Variants in B3GALT1 observed in about 807,000 individuals in gnomAD.
B3GALT1 encodes the protein UDP-Gal:betaGlcNAc beta 1,3-galactosyltransferase, polypeptide 1.
Under a neutral mutation model 23.2 loss-of-function variants are expected in B3GALT1, and 10 were observed. The ratio of observed to expected loss-of-function variants is 0.43; its 90% CI spans 0.27 to 0.73. B3GALT1 has a LOEUF of 0.73. B3GALT1 is among the 30% of genes least tolerant of loss of function. B3GALT1 has a pLI of 0.21. For missense variants in B3GALT1, 299 were observed against 405.4 expected, an observed-to-expected ratio of 0.74 and a Z score of 2.25; for synonymous variants, 156 against 141.5, an observed-to-expected ratio of 1.10 and a Z score of -0.73.
At chr2:167,359,240 TTGAG>T (rs1697462536) in intron 1 of B3GALT1, among the ~76,000 whole-genome samples, 2 of 152,240 alleles carry the variant, frequency 1.3e-5, no homozygotes, top group Non-Finnish European at 1.5e-5. Flanking sequence ...AGTGTCTTCT[TTGAG>T]TGCACACTAG....
intron 4 of B3GALT1, among the ~76,000 whole-genome samples, chr2:167,866,726 T>A (rs1048738519): frequency 6.6e-6 from 1 of 152,188 alleles, no homozygotes; most frequent in Non-Finnish European, 1.5e-5. Flanking sequence ...GGGGAGGCCC[T>A]TAACATCTTA....
At chr2:167,642,063 G>A (rs539809281) in intron 2 of B3GALT1, among the ~76,000 whole-genome samples, 3 of 152,138 alleles carry the variant, frequency 2.0e-5, no homozygotes, top group East Asian at 3.9e-4. Flanking sequence ...AAATCACTCA[G>A]TCCATCTCTG....
At chr2:167,850,823 TG>T (rs1379981627) in intron 4 of B3GALT1, among the ~76,000 whole-genome samples, 2 of 149,846 alleles carry the variant, frequency 1.3e-5, no homozygotes, top group African/African-American at 2.5e-5. Context: ...GGGGGAAGAG[TG>T]GGAGGGGGCC....
rs1389669910 is a variant in B3GALT1 at position 167,806,205 on chromosome 2, C to T, written c.-351-12467C>T. Among the ~76,000 whole-genome samples, 387 of 152,110 alleles carry T rather than the reference C, an allele frequency of 2.5e-3. 2 individuals carry two copies. The highest frequency in any genetic ancestry group is 3.9e-3 in the Non-Finnish European group (265 of 67,952). ...TATCCTGAGACTTTGCTGAAGTTGC[C>T]CATCAGCTTAAGGAGATTTTGGGCT... On this transcript the variant is annotated intron_variant, in intron 3 of 4. Transcript: ENST00000392690.
chr2:167,389,925 CAAA>C (rs751630307), intron 1 of B3GALT1, among the ~76,000 whole-genome samples: 4 of 105,434 alleles, frequency 3.8e-5, no homozygotes, highest in East Asian at 2.7e-4. Context: ...AAAAAAAAAA[CAAA>C]AAAAAAAAAG....
chr2:167,806,358 A>G (rs1435648210), intron 3 of B3GALT1, among the ~76,000 whole-genome samples: 1 of 152,150 alleles, frequency 6.6e-6, no homozygotes, highest in African/African-American at 2.4e-5. Context: ...AGAACTTCCA[A>G]CACTATGTTG....
intron 2 of B3GALT1, among the ~76,000 whole-genome samples, chr2:167,542,379 G>T (rs1683547443): frequency 6.6e-6 from 1 of 152,086 alleles, no homozygotes; most frequent in Non-Finnish European, 1.5e-5. Context: ...CCCAGATGGT[G>T]GTTTTGCTAC....
intron 1 of B3GALT1, among the ~76,000 whole-genome samples, chr2:167,297,557 C>T (rs999790241): frequency 6.6e-6 from 1 of 151,918 alleles, no homozygotes; most frequent in Admixed American, 6.6e-5. Flanking sequence ...GCAGTCAGTC[C>T]AATTACAGAT....
At chr2:167,787,694 G>A (rs1379055145) in intron 3 of B3GALT1, among the ~76,000 whole-genome samples, 1 of 152,178 alleles carries the variant, frequency 6.6e-6, no homozygotes, top group Non-Finnish European at 1.5e-5. Flanking sequence ...TTCCAGGACA[G>A]GGCATGCTGC....
At chr2:167,568,276 G>T (rs1574144160) in intron 2 of B3GALT1, among the ~76,000 whole-genome samples, 1 of 152,052 alleles carries the variant, frequency 6.6e-6, no homozygotes, top group Non-Finnish European at 1.5e-5. Flanking sequence ...TCCATTGTTT[G>T]TATGGTAAGT....
chr2:167,559,124 C>G (rs572183109), intron 2 of B3GALT1, among the ~76,000 whole-genome samples: 1 of 152,134 alleles, frequency 6.6e-6, no homozygotes, highest in East Asian at 1.9e-4. Flanking sequence ...TCCAGAGGAA[C>G]GATCAGACAG....
chr2:167,374,337 TC>T (rs757042849), intron 1 of B3GALT1, among the ~76,000 whole-genome samples: 8 of 152,212 alleles, frequency 5.3e-5, no homozygotes, highest in Non-Finnish European at 8.8e-5. Context: ...AGTGCATGGG[TC>T]TTTTTGGTAG....
intron 3 of B3GALT1, among the ~76,000 whole-genome samples, chr2:167,712,117 T>A (rs114853967): frequency 0.022 from 3,354 of 152,314 alleles, 106 homozygotes; most frequent in African/African-American, 0.072. Context: ...AAGCTTCTCT[T>A]TCTGAATGGT....
chr2:167,715,508 T>C, intron 3 of B3GALT1: 1 of 1,612,540 alleles, frequency 6.2e-7, no homozygotes, highest in South Asian at 1.1e-5. Context: ...TTCAGCTATT[T>C]GTGATTTGAG....
chr2:167,654,755 C>T (rs1009985537), intron 3 of B3GALT1, among the ~76,000 whole-genome samples: 19 of 151,836 alleles, frequency 1.3e-4, no homozygotes, highest in African/African-American at 3.4e-4. Context: ...CTCAGCCTCC[C>T]GAAATGCTGA....
chr2:167,808,154 G>A lies in B3GALT1; in HGVS notation c.-351-10518G>A, dbSNP rs1351776049. On this transcript the variant is annotated intron_variant, in intron 3 of 4. Coordinates refer to ENST00000392690, the MANE Select transcript of B3GALT1 (RefSeq NM_020981.4). ...GCCTTTTTTTGTTTTCCATTGGCTT[G>A]GTAGATCTTCCTCCATCCCTTTATT... 4.0e-5 allele frequency among the ~76,000 whole-genome samples: 6 copies of A among 150,934 alleles called. No homozygotes were observed. The South Asian group carries it at 1.3e-3, about 32-fold the overall frequency.
chr2:167,564,746 C>G (rs1007772659), intron 2 of B3GALT1, among the ~76,000 whole-genome samples: 2 of 152,210 alleles, frequency 1.3e-5, no homozygotes, highest in African/African-American at 2.4e-5. Flanking sequence ...TGAGTGAACT[C>G]CCATTCACAA....
intron 2 of B3GALT1, among the ~76,000 whole-genome samples, chr2:167,495,945 T>A (rs1699777772): frequency 6.6e-6 from 1 of 152,192 alleles, no homozygotes; most frequent in South Asian, 2.1e-4. Flanking sequence ...ACAGAGCAAG[T>A]TAAACTTGAA....
rs569185834 is a variant in B3GALT1, at chr2:167,807,621, G to A, written c.-351-11051G>A. 2.5e-3 allele frequency among the ~76,000 whole-genome samples: 381 copies of A among 152,138 alleles called. 2 individuals carry two copies. The highest frequency in any genetic ancestry group is 7.5e-3 in the African/African-American group (313 of 41,510). On this transcript the variant is annotated intron_variant, in intron 3 of 4. Coordinates refer to ENST00000392690, the MANE Select transcript of B3GALT1 (RefSeq NM_020981.4). ...TTGTTCAGTTTCCATGTAGTTGAGC[G>A]GTTTTGAGTGAGTTTCTTAATCCTG...
Sources: allele counts gnomAD v4.1 joint callset (sites outside exome capture counted in the v4.1 genomes callset), GRCh38; gene constraint gnomAD v4.1.1; transcripts MANE v1.5; gene names NCBI Gene and HGNC (gene_info 2026-07-23, HGNC 2026-07-21).